The following PLIN2 variants were observed in gnomAD, a reference collection of about 807,000 sequenced individuals.
PLIN2 encodes perilipin-2.
PLIN2 carries 33 observed loss-of-function variants against 30.6 expected under a neutral mutation model. The observed-to-expected ratio is 1.08, with a 90% confidence interval of 0.82 to 1.44. The LOEUF is 1.44. PLIN2 is among the 40% of genes most tolerant of loss of function. The pLI is 0.00. For missense variants in PLIN2, 610 were observed against 531.8 expected (o/e 1.15, Z -1.45); for synonymous variants, 205 against 201.1 (o/e 1.02, Z -0.16).
At chr9:19,110,199 G>C (rs983860389) in intron 2 of PLIN2, among the ~76,000 whole-genome samples, 1 of 151,776 alleles carries the variant, frequency 6.6e-6, no homozygotes, top group East Asian at 2.0e-4. Context: ...GCTAATTTTT[G>C]TATTTTTTAG....
At chr9:19,112,958 A>G (rs1818176392), downstream of PLIN2, among the ~76,000 whole-genome samples, 1 of 151,560 alleles carries the variant, frequency 6.6e-6, no homozygotes, top group Non-Finnish European at 1.5e-5. Context: ...TTCAGTAAGG[A>G]CTACAATTCT....
chr9:19,123,378 G>A, intron 4 of PLIN2, 187 bp downstream of exon 4: 2 of 1,551,200 alleles, frequency 1.3e-6, no homozygotes, highest in South Asian at 1.2e-5. Flanking sequence ...GTTCTTCTCT[G>A]CTTCGTAGAT....
chr9:19,124,894 A>T (rs754718968), intron 3 of PLIN2, among the ~76,000 whole-genome samples: 1 of 151,412 alleles, frequency 6.6e-6, no homozygotes, highest in Non-Finnish European at 1.5e-5. Flanking sequence ...TCAACAATAA[A>T]AAGAGATGAA....
chr9:19,116,727 T>G, intron 7 of PLIN2, 78 bp from the exon 8 acceptor site: 4 of 1,202,268 alleles, frequency 3.3e-6, no homozygotes, highest in Non-Finnish European at 4.8e-6. Context: ...AGGCTGGTTA[T>G]GTGTCCACCA....
downstream of PLIN2, among the ~76,000 whole-genome samples, chr9:19,113,782 T>C (rs1015660767): frequency 6.7e-6 from 1 of 149,966 alleles, no homozygotes; most frequent in Non-Finnish European, 1.5e-5. Flanking sequence ...TGGTTTTTTT[T>C]TTTTTTTGAG....
chr9:19,116,723 GT>G, intron 7 of PLIN2, 74 bp from the exon 8 acceptor site: 1 of 1,262,594 alleles, frequency 7.9e-7, no homozygotes. Context: ...CAGTAGGCTG[GT>G]TATGTGTCCA....
intron 4 of PLIN2, 42 bp downstream of exon 4, chr9:19,123,523 C>T: frequency 1.9e-6 from 3 of 1,613,962 alleles, no homozygotes; most frequent in African/African-American, 1.3e-5. Flanking sequence ...AAGATGAAAA[C>T]ATGTGAAGTG....
rs1394358785 is a variant in PLIN2, at chr9:19,121,065, AC to A, written c.409del (p.Val137Ter). 1.9e-6 allele frequency: 3 copies of A among 1,613,840 alleles called. No homozygotes were observed. On this transcript the variant is annotated frameshift_variant, in exon 5 of 8. Transcript: ENST00000276914. LOFTEE classifies it high-confidence loss of function. Reference sequence around the variant, plus strand: ...CACTGCCCCTTTGGTCTTGTCCATCACCCCTGTGATCGTGCTGGCCACAGAA... The same window carrying A: ...CACTGCCCCTTTGGTCTTGTCCATCACCCTGTGATCGTGCTGGCCACAGAA... ...KDSVASTITG[V>X]MDKTKGAVTG...
exon 3 of PLIN2, chr9:19,108,573 A>C (rs35874966): frequency 0.055 from 8,399 of 152,714 alleles, 278 homozygotes; most frequent in East Asian, 0.11. Flanking sequence ...TGTAATACAA[A>C]TTGCGTATTC....
chr9:19,120,074 T>C (rs1818291032), intron 5 of PLIN2, among the ~76,000 whole-genome samples: 1 of 152,080 alleles, frequency 6.6e-6, no homozygotes, highest in Non-Finnish European at 1.5e-5. Flanking sequence ...CTTTTTTTTT[T>C]TTGGAAACAG....
chr9:19,123,060 T>C (rs1203362445), intron 4 of PLIN2, among the ~76,000 whole-genome samples: 1 of 152,232 alleles, frequency 6.6e-6, no homozygotes, highest in Non-Finnish European at 1.5e-5. Context: ...TATTTTTCCC[T>C]AACTGGTATC....
At chr9:19,113,363 AGAAAATGCCAGTCACTGG>A (rs1223083611), downstream of PLIN2, among the ~76,000 whole-genome samples, 13 of 152,024 alleles carry the variant, frequency 8.6e-5, no homozygotes, top group Non-Finnish European at 1.6e-4. Flanking sequence ...GCAGAGGCCT[AGAAAATGCCAGTCACTGG>A]GAACAGGAAG....
intron 2 of PLIN2, 21 bp downstream of exon 2, chr9:19,126,376 A>AAG: frequency 6.2e-7 from 1 of 1,613,766 alleles, no homozygotes; most frequent in Non-Finnish European, 8.5e-7. Flanking sequence ...AAAGTAGACA[A>AAG]AGGCTACTCA....
intron 5 of PLIN2, 143 bp from the exon 6 acceptor site, chr9:19,119,974 G>C: frequency 1.7e-6 from 1 of 573,016 alleles, no homozygotes; most frequent in Non-Finnish European, 3.1e-6. Context: ...GACTGCTCAC[G>C]TCTGCTGCTG....
chr9:19,109,720 C>T (rs1040783692), intron 2 of PLIN2, among the ~76,000 whole-genome samples: 2 of 151,930 alleles, frequency 1.3e-5, no homozygotes, highest in African/African-American at 4.8e-5. Flanking sequence ...GTAATCCCAA[C>T]ACTTTGGCAG....
Position 19,116,637 on chromosome 9 carries a change from G to T in PLIN2, c.925C>A (p.Arg309Ser), listed in dbSNP as rs759915698. ...AGGTTGCGGGCAATTGCAAGAGTAC[G>T]TGACTCAATGTGCTAAAAATAAAAC... Reference protein sequence around the residue: ...ESHCAEHIESRTLAIARNLTQ... With the variant: ...ESHCAEHIESSTLAIARNLTQ... Residue 309 changes from arginine to serine, a missense_variant, in exon 8 of 8, where the codon CGT becomes AGT. Arg to Ser is a moderately radical substitution (Grantham distance 110, BLOSUM62 -1). Coordinates refer to ENST00000276914, the MANE Select transcript of PLIN2 (RefSeq NM_001122.4). The T allele has an allele frequency of 3.1e-6, 5 of 1,610,760 alleles. No individual in the cohort carries two copies. The highest frequency in any genetic ancestry group is 3.3e-5 in the Admixed American group (2 of 59,928).
downstream of PLIN2, among the ~76,000 whole-genome samples, chr9:19,111,061 ATTT>A (rs1220889879): frequency 6.9e-6 from 1 of 144,772 alleles, no homozygotes; most frequent in African/African-American, 2.5e-5. Context: ...AATCTTAACA[ATTT>A]TTTTTTTTTT....
chr9:19,109,293 G>T (rs1379349271), intron 2 of PLIN2, among the ~76,000 whole-genome samples: 1 of 152,084 alleles, frequency 6.6e-6, no homozygotes, highest in Non-Finnish European at 1.5e-5. Context: ...AGTGGCTCAC[G>T]CCTGTAATCC....
intron 2 of PLIN2, among the ~76,000 whole-genome samples, chr9:19,109,812 C>T (rs140647450): frequency 6.6e-6 from 1 of 151,624 alleles, no homozygotes; most frequent in African/African-American, 2.4e-5. Flanking sequence ...AAAAATTAGC[C>T]GGGTATAGTG....
Sources: gnomAD v4.1 joint callset for allele counts (sites outside exome capture counted in the v4.1 genomes callset) on GRCh38, gnomAD v4.1.1 for gene constraint, MANE v1.5 for transcripts, NCBI Gene and HGNC (gene_info 2026-07-23, HGNC 2026-07-21) for gene names.